The following TASP1 variants were observed in gnomAD, a reference collection of about 807,000 sequenced individuals.
The protein encoded by TASP1 is threonine aspartase 1.
A neutral mutation model predicts 56.6 loss-of-function variants in TASP1; 16 were observed. The observed-to-expected ratio is 0.28, with a 90% CI of 0.19 to 0.43. TASP1 has a LOEUF of 0.43. TASP1 is among the 20% of genes least tolerant of loss of function. TASP1 has a pLI of 1.00. For missense variants in TASP1, 393 were observed against 511.6 expected, an observed-to-expected ratio of 0.77 and a Z score of 2.24; for synonymous variants, 179 against 184.2, an observed-to-expected ratio of 0.97 and a Z score of 0.23.
At chr20:13,215,946 G>A in the TASP1 span, among the ~76,000 whole-genome samples, 1 of 152,206 alleles carries the variant, frequency 6.6e-6, no homozygotes, top group South Asian at 2.1e-4. Flanking sequence ...CCCCTTCGTA[G>A]TTCAAAGGAG....
At chr20:13,287,826 T>C in the TASP1 span, among the ~76,000 whole-genome samples, 2 of 152,160 alleles carry the variant, frequency 1.3e-5, no homozygotes, top group Admixed American at 1.3e-4. Context: ...TAACAAAATA[T>C]CCCAAAGTTG....
chr20:13,530,710 T>C (rs2045188108), intron 9 of TASP1, among the ~76,000 whole-genome samples: 1 of 152,198 alleles, frequency 6.6e-6, no homozygotes, highest in African/African-American at 2.4e-5. Flanking sequence ...GAAAATTCCC[T>C]TTATGATACC....
At chr20:13,299,111 G>A in the TASP1 span, 1 of 1,613,640 alleles carries the variant, frequency 6.2e-7, no homozygotes, top group Non-Finnish European at 8.5e-7. The surrounding 1 kb of genome is among the most constrained non-coding windows in gnomAD (Gnocchi z 5.8). Context: ...TCCGCTGGAA[G>A]GACGCCAGCG....
At chr20:13,284,232 G>A in the TASP1 span, among the ~76,000 whole-genome samples, 2 of 152,326 alleles carry the variant, frequency 1.3e-5, no homozygotes, top group East Asian at 3.9e-4. Context: ...GCCAAGTCAA[G>A]ACCCAAGTCA....
At chr20:13,106,940 T>A in the TASP1 span, among the ~76,000 whole-genome samples, 1 of 152,156 alleles carries the variant, frequency 6.6e-6, no homozygotes, top group Non-Finnish European at 1.5e-5. Flanking sequence ...CGTTCTCCAC[T>A]GGTGAGAGGA....
intron 3 of TASP1, among the ~76,000 whole-genome samples, chr20:13,624,365 G>C (rs1016552180): frequency 6.6e-6 from 1 of 151,898 alleles, no homozygotes. Flanking sequence ...AAATAGCTTC[G>C]AGAACTTTTA....
At chr20:13,621,460 T>G (rs1205937160) in intron 4 of TASP1, among the ~76,000 whole-genome samples, 1 of 151,828 alleles carries the variant, frequency 6.6e-6, no homozygotes, top group African/African-American at 2.4e-5. Flanking sequence ...ATAAAATAAC[T>G]AAAAGTTGAG....
the TASP1 span, among the ~76,000 whole-genome samples, chr20:13,171,505 A>G: frequency 6.6e-6 from 1 of 152,194 alleles, no homozygotes; most frequent in Non-Finnish European, 1.5e-5. Flanking sequence ...AAGATTTCCT[A>G]TATAGATGAG....
At chr20:13,512,554 C>T (rs6514413) in intron 10 of TASP1, among the ~76,000 whole-genome samples, 14,119 of 152,054 alleles carry the variant, frequency 0.093, 718 homozygotes, top group Admixed American at 0.16. Flanking sequence ...CTGTAGGTTG[C>T]CTGTTCACTC....
At chr20:13,557,390 A>G (rs1054607287) in intron 8 of TASP1, among the ~76,000 whole-genome samples, 5 of 152,092 alleles carry the variant, frequency 3.3e-5, no homozygotes, top group African/African-American at 9.7e-5. Context: ...AGCAAGAAAA[A>G]GCATTTACTG....
chr20:13,495,463 T>G (rs2043687239), intron 10 of TASP1, among the ~76,000 whole-genome samples: 1 of 152,132 alleles, frequency 6.6e-6, no homozygotes, highest in Non-Finnish European at 1.5e-5. Flanking sequence ...CACACTGCTC[T>G]GAAGGAGGAA....
the TASP1 span, among the ~76,000 whole-genome samples, chr20:13,220,860 G>A: frequency 6.6e-6 from 1 of 152,196 alleles, no homozygotes; most frequent in African/African-American, 2.4e-5. Flanking sequence ...TGCCAATAAA[G>A]GTTTCTAAAG....
the TASP1 span, among the ~76,000 whole-genome samples, chr20:13,197,630 A>G: frequency 7.9e-5 from 12 of 152,320 alleles, no homozygotes; most frequent in South Asian, 2.1e-3. Flanking sequence ...ACCTACTTAT[A>G]CTTTGCCCTG....
the TASP1 span, among the ~76,000 whole-genome samples, chr20:13,345,916 TAAAAAAAAAAA>T: frequency 0.077 from 7,848 of 101,404 alleles, 698 homozygotes; most frequent in African/African-American, 0.23. Flanking sequence ...CTCAGTAGGT[TAAAAAAAAAAA>T]AAAAAAAAAA....
At chr20:13,296,064 G>A in the TASP1 span, among the ~76,000 whole-genome samples, 1 of 152,060 alleles carries the variant, frequency 6.6e-6, no homozygotes, top group African/African-American at 2.4e-5. Flanking sequence ...TTTTGCCTTT[G>A]CCTCCCTTAA....
At chr20:13,330,251 G>C in the TASP1 span, among the ~76,000 whole-genome samples, 1 of 152,234 alleles carries the variant, frequency 6.6e-6, no homozygotes, top group Non-Finnish European at 1.5e-5. Context: ...CACCACGCCT[G>C]GCTGTGTTTG....
At chr20:13,473,941 G>A (rs2044620742) in intron 11 of TASP1, among the ~76,000 whole-genome samples, 1 of 152,158 alleles carries the variant, frequency 6.6e-6, no homozygotes, top group Non-Finnish European at 1.5e-5. Flanking sequence ...GGATGTGGTG[G>A]TAAGTGCCTG....
At chr20:13,108,140 C>T in the TASP1 span, among the ~76,000 whole-genome samples, 1 of 152,138 alleles carries the variant, frequency 6.6e-6, no homozygotes, top group East Asian at 1.9e-4. Context: ...ACAGGGGCCT[C>T]TCAGAGATGA....
chr20:13,541,371 TA>T (rs1249528465), intron 8 of TASP1, among the ~76,000 whole-genome samples: 1 of 152,072 alleles, frequency 6.6e-6, no homozygotes, highest in Non-Finnish European at 1.5e-5. Context: ...GGAACAAAAT[TA>T]AAGACATTTA....
Sources: allele counts gnomAD v4.1 joint callset (sites outside exome capture counted in the v4.1 genomes callset), GRCh38; gene constraint gnomAD v4.1.1; non-coding constraint Gnocchi (gnomAD v3.1); transcripts MANE v1.5; gene names NCBI Gene and HGNC (gene_info 2026-07-23, HGNC 2026-07-21).